SFXN5: variants seen among roughly 807,000 people sequenced by gnomAD.
The protein encoded by SFXN5 is sideroflexin-5.
In SFXN5, 43 loss-of-function variants were observed where a neutral mutation model predicts 50.2. The observed-to-expected ratio is 0.86, with a 90% CI of 0.67 to 1.11. The LOEUF (loss-of-function observed/expected upper bound fraction) is 1.11, where lower values mean the gene tolerates loss of function less well. Ranked by LOEUF, SFXN5 falls within the 50% of genes least tolerant of loss-of-function variation. The pLI is 0.00. For missense variants in SFXN5, 463 were observed against 454.1 expected (o/e 1.02, Z -0.18); for synonymous variants, 203 against 185.8 (o/e 1.09, Z -0.75).
chr2:73,012,210 A>C (rs1355082196), intron 6 of SFXN5, among the ~76,000 whole-genome samples: 1 of 152,218 alleles, frequency 6.6e-6, no homozygotes, highest in Non-Finnish European at 1.5e-5. Context: ...AACTTCTTAC[A>C]GGGGTTACTC....
At chr2:72,985,516 T>G (rs1312283344) in intron 10 of SFXN5, among the ~76,000 whole-genome samples, 2 of 142,190 alleles carry the variant, frequency 1.4e-5, no homozygotes, top group African/African-American at 5.3e-5. Context: ...AAGTGTCCAC[T>G]TGCAGATGAG....
intron 11 of SFXN5, among the ~76,000 whole-genome samples, chr2:72,969,691 G>C (rs1031857844): frequency 6.7e-6 from 1 of 148,378 alleles, no homozygotes; most frequent in African/African-American, 2.6e-5. Context: ...CACCGTGCCC[G>C]GCCTACTTTT....
chr2:72,961,960 T>C lies in SFXN5; in HGVS notation c.828-712A>G, dbSNP rs1485313587. On this transcript the variant is annotated intron_variant, in intron 12 of 13. Coordinates refer to ENST00000272433, the MANE Select transcript of SFXN5 (RefSeq NM_144579.3). This position sits in a 1 kb window ranked among gnomAD's most constrained non-coding sequence, Gnocchi z 4.4. ...CAACACAACACAGCTGGCACCCTCT[T>C]CCCATGGCTGGCTTCGGAGCTGGTT... Among the ~76,000 whole-genome samples the C allele has an allele frequency of 6.6e-6, 1 of 152,148 alleles. No homozygotes were observed. Among genetic ancestry groups the C allele is most frequent in the African/African-American group, 2.4e-5 (1 of 41,430 alleles).
At position 72,992,724 on chromosome 2, in the gene SFXN5, G is replaced by C. The variant is rs1672749117; in HGVS notation, c.535-4376C>G. Among the ~76,000 whole-genome samples the C allele has an allele frequency of 6.6e-6, 1 of 152,210 alleles. No individual in the cohort carries two copies. The highest frequency in any genetic ancestry group is 2.4e-5 in the African/African-American group (1 of 41,454). On this transcript the variant is annotated intron_variant, in intron 9 of 13. Coordinates refer to ENST00000272433, the MANE Select transcript of SFXN5 (RefSeq NM_144579.3). The surrounding 1 kb of genome is among the most constrained non-coding windows in gnomAD (Gnocchi z 4.5). ...CAGCACGCAGCCTCTGTCCCTGGAT[G>C]ACAGTGCACCTCCTAACCAGGCCCC...
chr2:73,043,243 A>T (rs1004063698), intron 2 of SFXN5, among the ~76,000 whole-genome samples: 5 of 152,236 alleles, frequency 3.3e-5, no homozygotes, highest in Non-Finnish European at 7.3e-5. Context: ...GAGAGATGAG[A>T]CTGGCTAGGC....
intron 13 of SFXN5, among the ~76,000 whole-genome samples, chr2:72,955,276 G>A (rs927724146): frequency 3.3e-5 from 5 of 152,180 alleles, no homozygotes; most frequent in South Asian, 2.1e-4. Flanking sequence ...TGGCTCGCTC[G>A]CCCGCCCGCC....
intron 6 of SFXN5, among the ~76,000 whole-genome samples, chr2:73,007,621 G>A (rs886280654): frequency 6.6e-6 from 1 of 151,980 alleles, no homozygotes; most frequent in Admixed American, 6.6e-5. Flanking sequence ...GCCCCTCCAC[G>A]CTGCCTCCCC....
chr2:73,019,156 T>C (rs1676519227), intron 6 of SFXN5, among the ~76,000 whole-genome samples: 1 of 152,174 alleles, frequency 6.6e-6, no homozygotes, highest in Admixed American at 6.5e-5. Context: ...TCTCACAATG[T>C]GGAGTAAAAG....
chr2:73,066,003 A>C (rs2106066608), intron 1 of SFXN5, among the ~76,000 whole-genome samples: 1 of 152,356 alleles, frequency 6.6e-6, no homozygotes, highest in Non-Finnish European at 1.5e-5. Flanking sequence ...TGACCAGAAA[A>C]GGAAGAGGAA....
intron 10 of SFXN5, among the ~76,000 whole-genome samples, chr2:72,984,648 GA>G (rs1226862906): frequency 6.6e-6 from 1 of 152,224 alleles, no homozygotes; most frequent in Non-Finnish European, 1.5e-5. Context: ...AGAACCGAGG[GA>G]GGAGAGAGGC....
At chr2:72,979,974 G>A (rs1671090000) in intron 10 of SFXN5, among the ~76,000 whole-genome samples, 1 of 152,144 alleles carries the variant, frequency 6.6e-6, no homozygotes, top group Admixed American at 6.5e-5. Flanking sequence ...AAGAAATAGA[G>A]CCATTTTCAT....
At chr2:72,994,525 G>T (rs1341016505) in intron 9 of SFXN5, among the ~76,000 whole-genome samples, 2 of 152,190 alleles carry the variant, frequency 1.3e-5, no homozygotes, top group African/African-American at 4.8e-5. Flanking sequence ...GAGGTCTGGG[G>T]ACAGCTAAGG....
intron 6 of SFXN5, among the ~76,000 whole-genome samples, chr2:73,016,407 G>C (rs940655064): frequency 3.3e-5 from 5 of 152,110 alleles, no homozygotes; most frequent in African/African-American, 1.2e-4. Context: ...TGATTTTCAA[G>C]ATATATCAAG....
intron 2 of SFXN5, 182 bp downstream of exon 2, chr2:73,058,342 TACAG>T (rs1682395484): frequency 5.3e-6 from 3 of 566,282 alleles, no homozygotes; most frequent in South Asian, 2.3e-5. Flanking sequence ...TCAACTCAGA[TACAG>T]ACAGACACAC....
intron 10 of SFXN5, among the ~76,000 whole-genome samples, chr2:72,981,942 T>G (rs189952911): frequency 6.6e-6 from 1 of 150,674 alleles, no homozygotes; most frequent in Non-Finnish European, 1.5e-5. Flanking sequence ...CTATAAAACT[T>G]TATTGCCCTT....
intron 13 of SFXN5, among the ~76,000 whole-genome samples, chr2:72,956,533 G>A (rs190988524): frequency 6.6e-6 from 1 of 152,300 alleles, no homozygotes; most frequent in East Asian, 1.9e-4. Flanking sequence ...GGTGGGCTGG[G>A]GAGGGTCACA....
At chr2:72,970,360 C>G (rs1675003338) in intron 11 of SFXN5, among the ~76,000 whole-genome samples, 1 of 152,172 alleles carries the variant, frequency 6.6e-6, no homozygotes, top group Non-Finnish European at 1.5e-5. Flanking sequence ...GTGCAGGGAG[C>G]AGAGGATGCA....
At chr2:73,007,196 C>G (rs1363626624) in intron 6 of SFXN5, among the ~76,000 whole-genome samples, 2 of 152,130 alleles carry the variant, frequency 1.3e-5, no homozygotes, top group Non-Finnish European at 2.9e-5. Context: ...GAGCAAGCCC[C>G]CACCCCCTTG....
At position 72,942,270 on chromosome 2, in the gene SFXN5, A is replaced by G. The variant is rs1671508887; in HGVS notation, c.*2752T>C. 6.6e-6 allele frequency: 1 copy of G among 152,150 alleles called. No homozygotes were observed. The highest frequency in any genetic ancestry group is 2.4e-5 in the African/African-American group (1 of 41,408). 9.4% of individuals were successfully genotyped at this position (152,150 alleles called of 1,614,324 possible). A position where few individuals can be genotyped will look rare whatever the true frequency, so the allele number is the denominator to read the frequency against. On this transcript the variant is annotated 3_prime_UTR_variant, in exon 14 of 14. Transcript: ENST00000272433. Reference sequence around the variant, plus strand: ...TTCCCAGGCCAGAGGCCAGAACACCAAAGAAGTCGGCTCATAACCAGGTGA... The same window carrying G: ...TTCCCAGGCCAGAGGCCAGAACACCGAAGAAGTCGGCTCATAACCAGGTGA...
Sources: allele counts gnomAD v4.1 joint callset (sites outside exome capture counted in the v4.1 genomes callset), GRCh38; gene constraint gnomAD v4.1.1; non-coding constraint Gnocchi (gnomAD v3.1); transcripts MANE v1.5; gene names NCBI Gene and HGNC (gene_info 2026-07-23, HGNC 2026-07-21).